Variants in SULT1C2 observed in about 807,000 individuals in gnomAD.
The protein encoded by SULT1C2 is sulfotransferase family 1C member 2.
In SULT1C2, 27 loss-of-function variants were observed where a neutral mutation model predicts 36.0. The ratio of observed to expected loss-of-function variants is 0.75; its 90% CI spans 0.55 to 1.03. The LOEUF is 1.03. Among genes scored for constraint, SULT1C2 ranks in the 50% least tolerant of loss-of-function variants. The pLI is 0.00. For missense variants in SULT1C2, 395 were observed against 359.2 expected, an observed-to-expected ratio of 1.10 and a Z score of -0.80; for synonymous variants, 121 against 116.0, an observed-to-expected ratio of 1.04 and a Z score of -0.27.
At chr2:108,293,279 A>C (rs1676641012) in intron 1 of SULT1C2, among the ~76,000 whole-genome samples, 1 of 151,930 alleles carries the variant, frequency 6.6e-6, no homozygotes, top group South Asian at 2.1e-4. Flanking sequence ...CCTTGAAGAG[A>C]TTAAGCTTTG....
intron 3 of SULT1C2, among the ~76,000 whole-genome samples, chr2:108,296,697 C>T (rs561895101): frequency 5.9e-5 from 9 of 152,122 alleles, no homozygotes; most frequent in Admixed American, 1.3e-4. Context: ...ATGATATACC[C>T]GCCTCGGCCT....
At chr2:108,292,881 G>A (rs1340088476) in intron 1 of SULT1C2, among the ~76,000 whole-genome samples, 1 of 152,146 alleles carries the variant, frequency 6.6e-6, no homozygotes, top group Non-Finnish European at 1.5e-5. Context: ...ATAGATGACT[G>A]GGTAAACAAA....
intron 7 of SULT1C2, among the ~76,000 whole-genome samples, chr2:108,306,205 T>A (rs1348815018): frequency 6.6e-6 from 1 of 152,242 alleles, no homozygotes; most frequent in Non-Finnish European, 1.5e-5. Context: ...TCCTCAGTAT[T>A]TCTTAGTTCC....
At chr2:108,303,171 T>C (rs565068219) in intron 4 of SULT1C2, 1 of 152,298 alleles carries the variant, frequency 6.6e-6, no homozygotes, top group East Asian at 1.9e-4. Flanking sequence ...AGGAGCAGGG[T>C]TTCTCAACCT....
chr2:108,307,700 T>A (rs183623778), intron 7 of SULT1C2, among the ~76,000 whole-genome samples: 1 of 152,338 alleles, frequency 6.6e-6, no homozygotes, highest in East Asian at 1.9e-4. Context: ...TTCATATTTT[T>A]CCAAAATAGT....
At position 108,308,743 on chromosome 2, in the gene SULT1C2, C is replaced by A; in HGVS notation, c.*279C>A. ...TTGAGTACAAAAGGATTGTTTTAAT[C>A]CCCATTATTCTGGAAAGTGCATCCT... On this transcript the variant is annotated 3_prime_UTR_variant, in exon 8 of 8. Transcript: ENST00000251481. 3.1e-6 allele frequency: 1 copy of A among 321,240 alleles called. No individual in the cohort carries two copies. Among genetic ancestry groups the A allele is most frequent in the South Asian group, 7.6e-5 (1 of 13,238 alleles). The allele number at this position is 321,240 out of a possible 1,614,324, so 19.9% of individuals were successfully genotyped here. A position where few individuals can be genotyped will look rare whatever the true frequency, so the allele number is the denominator to read the frequency against.
At chr2:108,304,503 C>T in intron 4 of SULT1C2, 71 bp from the exon 5 acceptor site, 1 of 1,516,498 alleles carries the variant, frequency 6.6e-7, no homozygotes. Flanking sequence ...CAGGATGGCT[C>T]TGCCTAAGGG....
At chr2:108,304,441 C>A (rs112759784) in intron 4 of SULT1C2, 133 bp from the exon 5 acceptor site, 4 of 955,756 alleles carry the variant, frequency 4.2e-6, no homozygotes, top group African/African-American at 1.7e-5. Context: ...GGTCACAAGG[C>A]CAAGTCGCAG....
At chr2:108,293,032 AGTCAGG>A (rs1676630953) in intron 1 of SULT1C2, among the ~76,000 whole-genome samples, 1 of 152,174 alleles carries the variant, frequency 6.6e-6, no homozygotes, top group Non-Finnish European at 1.5e-5. Context: ...CACAAAAATT[AGTCAGG>A]CATGGTGGCG....
At chr2:108,305,667 T>G in intron 7 of SULT1C2, 72 bp downstream of exon 7, 2 of 1,563,534 alleles carry the variant, frequency 1.3e-6, no homozygotes, top group Non-Finnish European at 1.8e-6. Context: ...CAGACAATAT[T>G]GAGTTTTATT....
chr2:108,295,214 C>T (rs1411271130), intron 3 of SULT1C2, among the ~76,000 whole-genome samples: 1 of 152,228 alleles, frequency 6.6e-6, no homozygotes, highest in Non-Finnish European at 1.5e-5. Context: ...GTCAGAATAG[C>T]CTTAAAGGAT....
In SULT1C2 at chr2:108,293,850, C is replaced by A. The variant is rs372375503; in HGVS notation, c.151+32C>A. 1.0e-5 allele frequency: 16 copies of A among 1,605,696 alleles called. No homozygotes were observed. The African/African-American group carries it at 2.0e-4, about 20-fold the overall frequency. The stretch of plus-strand genomic sequence containing the variant: ...GCAGGGTAGGAGGGACAGCAAAGAC[C>A]TGCTGAGCCAGCACAGGCTCATCAC... On this transcript the variant is annotated intron_variant, in intron 2 of 7. Coordinates refer to ENST00000251481, the MANE Select transcript of SULT1C2 (RefSeq NM_001056.4).
At chr2:108,292,650 AC>A (rs1676622185) in intron 1 of SULT1C2, among the ~76,000 whole-genome samples, 1 of 152,174 alleles carries the variant, frequency 6.6e-6, no homozygotes, top group Non-Finnish European at 1.5e-5. Context: ...ATTTGGAAAA[AC>A]TGGAACCCTT....
chr2:108,301,808 T>A (rs914793809), intron 4 of SULT1C2: 2 of 152,180 alleles, frequency 1.3e-5, no homozygotes, highest in Non-Finnish European at 2.9e-5. Context: ...GAGTCAAGGG[T>A]ACAAACTGAG....
chr2:108,303,738 A>G (rs1228427119), intron 4 of SULT1C2: 1 of 152,162 alleles, frequency 6.6e-6, no homozygotes, highest in Non-Finnish European at 1.5e-5. Context: ...TCTTCTATGT[A>G]TTGTAGAATG....
intron 1 of SULT1C2, among the ~76,000 whole-genome samples, chr2:108,289,852 C>T (rs1369300454): frequency 1.3e-5 from 2 of 152,188 alleles, no homozygotes; most frequent in Non-Finnish European, 2.9e-5. Flanking sequence ...GCATCTCCTT[C>T]TCCCAGCTTT....
intron 7 of SULT1C2, among the ~76,000 whole-genome samples, chr2:108,307,400 G>A (rs1177542815): frequency 1.3e-5 from 2 of 152,168 alleles, no homozygotes; most frequent in Non-Finnish European, 2.9e-5. Context: ...TCTAGGGCAA[G>A]GCATATAGAC....
chr2:108,294,924 A>G (rs918598789), intron 3 of SULT1C2, among the ~76,000 whole-genome samples: 3 of 152,236 alleles, frequency 2.0e-5, no homozygotes, highest in Admixed American at 2.0e-4. Context: ...AGAATGCTAT[A>G]TTTCAGGTAA....
intron 2 of SULT1C2, 82 bp from the exon 3 acceptor site, chr2:108,294,147 C>T: frequency 6.4e-7 from 1 of 1,574,740 alleles, no homozygotes; most frequent in Non-Finnish European, 8.6e-7. Flanking sequence ...CAAGGCTCTA[C>T]ATCCTCTTCG....
Sources: gnomAD v4.1 joint callset for allele counts (sites outside exome capture counted in the v4.1 genomes callset) on GRCh38, gnomAD v4.1.1 for gene constraint, MANE v1.5 for transcripts, NCBI Gene and HGNC (gene_info 2026-07-23, HGNC 2026-07-21) for gene names.